ZRANB2: variants seen among roughly 807,000 people sequenced by gnomAD.
ZRANB2 encodes the protein zinc finger RANBP2-type containing 2, also known as zinc finger Ran-binding domain-containing protein 2.
ZRANB2 carries 19 observed loss-of-function variants against 53.4 expected under a neutral mutation model. The observed-to-expected ratio is 0.36, with a 90% confidence interval of 0.25 to 0.52. ZRANB2 has a LOEUF of 0.52. ZRANB2 is among the 20% of genes least tolerant of loss of function. ZRANB2 has a pLI of 0.93. For missense variants in ZRANB2, 309 were observed against 401.1 expected (o/e 0.77, Z 1.96); for synonymous variants, 145 against 134.8 (o/e 1.08, Z -0.52).
At position 71,072,457 on chromosome 1, in the gene ZRANB2, C is replaced by G. The variant is rs1423704591; in HGVS notation, c.378+15G>C. ...TCTAATTTATATTCAACCTGAACAC[C>G]AAAATATAGCTTACCTCATCATATT... On this transcript the variant is annotated intron_variant, in intron 5 of 9. Coordinates refer to ENST00000370920, the MANE Select transcript of ZRANB2 (RefSeq NM_203350.3). The G allele has an allele frequency of 6.3e-7, 1 of 1,583,374 alleles. No individual in the cohort carries two copies. The highest frequency in any genetic ancestry group is 8.6e-7 in the Non-Finnish European group (1 of 1,165,534).
intron 3 of ZRANB2, 100 bp from the exon 4 acceptor site, chr1:71,076,977 A>G (rs1471263819): frequency 1.2e-6 from 1 of 858,842 alleles, no homozygotes; most frequent in African/African-American, 1.7e-5. Flanking sequence ...GGATGAAACC[A>G]CTGTCAAAGA....
chr1:71,066,657 G>T, intron 9 of ZRANB2, 119 bp downstream of exon 9: 12 of 1,077,326 alleles, frequency 1.1e-5, no homozygotes, highest in Non-Finnish European at 1.5e-5. Context: ...GTTCAAAGTT[G>T]AAAAGTAGAA....
chr1:71,078,189 A>AC (rs2101052122), intron 3 of ZRANB2, among the ~76,000 whole-genome samples: 1 of 151,926 alleles, frequency 6.6e-6, no homozygotes, highest in Non-Finnish European at 1.5e-5. Context: ...AAGTACCACC[A>AC]CCCCCCGATT....
chr1:71,072,320 A>G, intron 5 of ZRANB2, 65 bp from the exon 6 acceptor site: 1 of 1,488,242 alleles, frequency 6.7e-7, no homozygotes, highest in Non-Finnish European at 9.1e-7. Flanking sequence ...ACATTTTCTA[A>G]AAAATTATTT....
At position 71,078,059 on chromosome 1, in the gene ZRANB2, T is replaced by G. The variant is rs1401555900; in HGVS notation, c.218+398A>C. 2.0e-5 allele frequency among the ~76,000 whole-genome samples: 3 copies of G among 152,228 alleles called. No homozygotes were observed. The East Asian group carries it at 5.8e-4, about 29-fold the overall frequency. ...ACTTAATTACTTACGGCACACAACTTATGAATCTAACATTATTTTGTAAAC... is the reference window on the plus strand; with the variant it reads ...ACTTAATTACTTACGGCACACAACTGATGAATCTAACATTATTTTGTAAAC... On this transcript the variant is annotated intron_variant, in intron 3 of 9. Coordinates refer to ENST00000370920, the MANE Select transcript of ZRANB2 (RefSeq NM_203350.3).
At chr1:71,077,126 G>C (rs1661727325) in intron 3 of ZRANB2, among the ~76,000 whole-genome samples, 1 of 152,118 alleles carries the variant, frequency 6.6e-6, no homozygotes, top group Non-Finnish European at 1.5e-5. Context: ...GTCATTTTGA[G>C]AAGTAAATGA....
intron 5 of ZRANB2, 42 bp from the exon 6 acceptor site, chr1:71,072,297 C>T (rs41287936): frequency 0.074 from 113,886 of 1,543,424 alleles, 4,624 homozygotes; most frequent in Middle Eastern, 0.13. Flanking sequence ...GCTGATAATG[C>T]ATTAAACTTA....
intron 9 of ZRANB2, chr1:71,065,731 A>T: frequency 6.2e-7 from 1 of 1,612,780 alleles, no homozygotes; most frequent in South Asian, 1.1e-5. Context: ...AGGGTTGTTT[A>T]GTGTTTTCAC....
At chr1:71,068,164 CTTG>C (rs1334537279) in intron 8 of ZRANB2, among the ~76,000 whole-genome samples, 1 of 152,052 alleles carries the variant, frequency 6.6e-6, no homozygotes, top group Admixed American at 6.5e-5. Flanking sequence ...TGAGCCTGGC[CTTG>C]TTATCTATTT....
chr1:71,065,714 T>A (rs370185269), intron 9 of ZRANB2: 18 of 1,612,470 alleles, frequency 1.1e-5, no homozygotes, highest in Non-Finnish European at 1.4e-5. Context: ...GGGTTGGCCC[T>A]GGGCTCAGGG....
chr1:71,066,958 A>C, intron 8 of ZRANB2, 24 bp from the exon 9 acceptor site: 1 of 1,541,966 alleles, frequency 6.5e-7, no homozygotes, highest in Non-Finnish European at 8.7e-7. Flanking sequence ...GAAACAAATC[A>C]AACATTTCAT....
chr1:71,071,095 A>G (rs1423383277), intron 6 of ZRANB2, 99 bp from the exon 7 acceptor site: 11 of 935,328 alleles, frequency 1.2e-5, no homozygotes, highest in Non-Finnish European at 1.6e-5. Context: ...ATATGCATAT[A>G]TCACAGGTAT....
At chr1:71,072,067 TTATGG>T in intron 6 of ZRANB2, 49 bp downstream of exon 6, 1 of 1,572,472 alleles carries the variant, frequency 6.4e-7, no homozygotes. Flanking sequence ...AGCATTCATG[TTATGG>T]TATAACTCCA....
intron 9 of ZRANB2, 177 bp downstream of exon 9, chr1:71,066,599 A>G: frequency 2.0e-6 from 1 of 502,108 alleles, no homozygotes; most frequent in Non-Finnish European, 3.3e-6. Context: ...ACAATTCTAA[A>G]CAACCTGATC....
chr1:71,065,920 T>C (rs1661419849), intron 9 of ZRANB2: 2 of 961,658 alleles, frequency 2.1e-6, no homozygotes, highest in African/African-American at 1.7e-5. Context: ...GAAACAAGAC[T>C]GTGTGAAATC....
chr1:71,076,806 T>C lies in ZRANB2; in HGVS notation c.290A>G (p.Glu97Gly). The C allele has an allele frequency of 2.5e-6, 4 of 1,608,958 alleles. No individual in the cohort carries two copies. The highest frequency in any genetic ancestry group is 3.4e-6 in the Non-Finnish European group (4 of 1,177,702). Reference protein sequence around the residue: ...MCNTPKYAKLEERTGYGGGFN... With the variant: ...MCNTPKYAKLGERTGYGGGFN... Reference sequence around the variant, plus strand: ...TGGTTTTATCATACCTGTTCTTTCTTCTAATTTAGCATACTTTGGAGTATT... The same window carrying C: ...TGGTTTTATCATACCTGTTCTTTCTCCTAATTTAGCATACTTTGGAGTATT... The change falls in exon 4 of 10, where the codon GAA (glutamate) becomes GGA (glycine). Residue 97 changes from glutamate (E) to glycine (G), a missense_variant. Around this residue, in one of 3 missense-constraint regions of ZRANB2, gnomAD observed 74 missense variants for 180.1 expected, o/e 0.41. Coordinates refer to ENST00000370920, the MANE Select transcript of ZRANB2 (RefSeq NM_203350.3).
At chr1:71,065,744 A>G (rs764254908) in intron 9 of ZRANB2, 1 of 1,612,692 alleles carries the variant, frequency 6.2e-7, no homozygotes, top group Non-Finnish European at 8.5e-7. Context: ...GTTTTCACCA[A>G]TCACCTGGCT....
At position 71,064,417 on chromosome 1, in the gene ZRANB2, G is replaced by A. The variant is rs1018396283; in HGVS notation, c.*657C>T. The A allele has an allele frequency of 5.3e-5, 8 of 152,100 alleles. No individual in the cohort carries two copies. Among genetic ancestry groups the A allele is most frequent in the Non-Finnish European group, 1.2e-4 (8 of 67,792 alleles). The allele number at this position is 152,100 out of a possible 1,614,324, so 9.4% of individuals were successfully genotyped here. A position where few individuals can be genotyped will look rare whatever the true frequency, so the allele number is the denominator to read the frequency against. On this transcript the variant is annotated 3_prime_UTR_variant, in exon 10 of 10. Transcript: ENST00000370920. The stretch of plus-strand genomic sequence containing the variant: ...ATAAACTCTTAAGACTTTCTTTTTT[G>A]CCCCAAATTATGTGTCAGAAAGGAA...
intron 4 of ZRANB2, among the ~76,000 whole-genome samples, chr1:71,073,988 T>C (rs1256787020): frequency 2.0e-5 from 3 of 152,144 alleles, no homozygotes; most frequent in Non-Finnish European, 4.4e-5. Context: ...GTTTCCGTCA[T>C]TCTACTAATT....
Sources: allele counts gnomAD v4.1 joint callset (sites outside exome capture counted in the v4.1 genomes callset), GRCh38; gene constraint gnomAD v4.1.1; regional missense constraint gnomAD v4.1.1; transcripts MANE v1.5; gene names NCBI Gene and HGNC (gene_info 2026-07-23, HGNC 2026-07-21).